MALRD1: variants seen among roughly 807,000 people sequenced by gnomAD.
The protein encoded by MALRD1 is MAM and LDL receptor class A domain containing 1.
MALRD1 carries 247 observed loss-of-function variants against 242.1 expected under a neutral mutation model. The ratio of observed to expected loss-of-function variants is 1.02; its 90% CI spans 0.92 to 1.13. The LOEUF is 1.13. MALRD1 is among the 50% of genes most tolerant of loss of function. The pLI is 0.00. For synonymous variants in MALRD1, 995 were observed against 866.6 expected (o/e 1.15, Z -2.60); for missense variants, 2,989 against 2,533.1 (o/e 1.18, Z -3.86).
chr10:19,453,409 G>T (rs1835433254), intron 29 of MALRD1, among the ~76,000 whole-genome samples: 1 of 152,146 alleles, frequency 6.6e-6, no homozygotes, highest in Non-Finnish European at 1.5e-5. Context: ...TTTCTTCATG[G>T]AGTGATAAAA....
intron 36 of MALRD1, among the ~76,000 whole-genome samples, chr10:19,625,561 G>C (rs1839616399): frequency 6.6e-6 from 1 of 151,990 alleles, no homozygotes; most frequent in African/African-American, 2.4e-5. Flanking sequence ...GGCAGACCCG[G>C]GTTTGGATAT....
At chr10:19,719,709 C>T (rs1395852461) in intron 38 of MALRD1, among the ~76,000 whole-genome samples, 2 of 152,026 alleles carry the variant, frequency 1.3e-5, no homozygotes, top group Admixed American at 6.5e-5. Flanking sequence ...CTTTTTCACC[C>T]AAACATTTGG....
chr10:19,366,293 C>G (rs1022221905), intron 26 of MALRD1, among the ~76,000 whole-genome samples: 1 of 151,788 alleles, frequency 6.6e-6, no homozygotes, highest in Non-Finnish European at 1.5e-5. Flanking sequence ...ATAAGGAGCA[C>G]ACAACCTAGA....
At chr10:19,139,257 C>T (rs1054424299) in intron 10 of MALRD1, among the ~76,000 whole-genome samples, 16 of 152,148 alleles carry the variant, frequency 1.1e-4, no homozygotes, top group African/African-American at 3.4e-4. Context: ...CATATAGACA[C>T]GTGCATATGT....
Position 19,141,816 on chromosome 10 carries a change from C to A in MALRD1, c.1412-4382C>A, listed in dbSNP as rs192862199. ...ATAGTCAAATGAAAGAAATTTAAAC[C>A]AAGGATCTTGTATGATTCATTAATT... On this transcript the variant is annotated intron_variant, in intron 10 of 39. Coordinates refer to ENST00000454679, the MANE Select transcript of MALRD1 (RefSeq NM_001142308.3). Among the ~76,000 whole-genome samples the A allele has an allele frequency of 4.1e-3, 624 of 151,956 alleles. 7 individuals carry two copies. Among genetic ancestry groups the A allele is most frequent in the African/African-American group, 0.014 (590 of 41,478 alleles).
At chr10:19,578,634 G>C (rs1211332365) in intron 33 of MALRD1, among the ~76,000 whole-genome samples, 1 of 152,050 alleles carries the variant, frequency 6.6e-6, no homozygotes, top group African/African-American at 2.4e-5. Context: ...GGAGGTTGCA[G>C]TGAGCTGAGA....
intron 36 of MALRD1, among the ~76,000 whole-genome samples, chr10:19,621,577 G>A (rs1229041163): frequency 1.3e-5 from 2 of 151,654 alleles, no homozygotes; most frequent in African/African-American, 4.8e-5. Flanking sequence ...CAAAGAGAAA[G>A]TAGTTCAAGT....
chr10:19,438,874 C>T (rs908350084), intron 28 of MALRD1, among the ~76,000 whole-genome samples: 3 of 152,236 alleles, frequency 2.0e-5, no homozygotes, highest in East Asian at 3.9e-4. Context: ...ATGTTTTCCA[C>T]AGGATCTATC....
chr10:19,718,751 A>C (rs1467530073), intron 38 of MALRD1, among the ~76,000 whole-genome samples: 11 of 152,140 alleles, frequency 7.2e-5, no homozygotes, highest in Non-Finnish European at 1.3e-4. Flanking sequence ...TTAGACATTG[A>C]GCTTGCATCT....
intron 26 of MALRD1, among the ~76,000 whole-genome samples, chr10:19,377,457 T>C (rs1287539158): frequency 1.3e-5 from 2 of 152,156 alleles, no homozygotes; most frequent in African/African-American, 4.8e-5. Context: ...TCAGGTCTGC[T>C]CCCTATTCAA....
At chr10:19,640,596 A>G (rs897739564) in intron 36 of MALRD1, among the ~76,000 whole-genome samples, 8 of 152,156 alleles carry the variant, frequency 5.3e-5, no homozygotes, top group Non-Finnish European at 8.8e-5. Context: ...ACCCTGTTCT[A>G]TATAAGATAT....
chr10:19,050,382 C>T (rs545649584), intron 1 of MALRD1, among the ~76,000 whole-genome samples: 21 of 149,920 alleles, frequency 1.4e-4, no homozygotes, highest in South Asian at 4.4e-4. Context: ...CCACCGCGCC[C>T]GGCCTTCTTT....
At chr10:19,109,497 G>A (rs1588557411) in intron 5 of MALRD1, among the ~76,000 whole-genome samples, 1 of 152,194 alleles carries the variant, frequency 6.6e-6, no homozygotes, top group East Asian at 1.9e-4. Flanking sequence ...TCATAAGCTT[G>A]GCCACCGGGG....
intron 34 of MALRD1, among the ~76,000 whole-genome samples, chr10:19,595,869 A>C (rs1206694856): frequency 6.6e-6 from 1 of 152,198 alleles, no homozygotes; most frequent in African/African-American, 2.4e-5. Flanking sequence ...AGTGACAAAT[A>C]TTGATTTTAA....
chr10:19,099,759 A>ATT lies in MALRD1; in HGVS notation c.598-4219_598-4218insTT, dbSNP rs147863650. On this transcript the variant is annotated intron_variant, in intron 4 of 39. Transcript: ENST00000454679. ...GACCCTCCATAGAACCTATATATAT[A>ATT]TATATTTTTTTTAATTTTTTTTGCC... is the stretch of plus-strand genomic sequence containing the variant. Among the ~76,000 whole-genome samples the ATT allele has an allele frequency of 9.3e-5, 9 of 96,756 alleles. 1 individual carries two copies. Among genetic ancestry groups the ATT allele is most frequent in the African/African-American group, 3.3e-4 (7 of 21,484 alleles). 63.5% of individuals were successfully genotyped at this position (96,756 alleles called of 152,430 possible).
intron 25 of MALRD1, among the ~76,000 whole-genome samples, chr10:19,350,700 G>A (rs184053844): frequency 6.6e-6 from 1 of 152,290 alleles, no homozygotes; most frequent in Admixed American, 6.5e-5. Context: ...GCATCATTCA[G>A]CAAATGACCT....
intron 21 of MALRD1, among the ~76,000 whole-genome samples, chr10:19,288,515 C>T (rs1841250751): frequency 6.6e-6 from 1 of 151,860 alleles, no homozygotes; most frequent in East Asian, 1.9e-4. Context: ...TACATTTTTC[C>T]TTGTTCATTT....
rs1488787498 is a variant in MALRD1 at position 19,312,400 on chromosome 10, A to ATGTG, written c.3420-11547_3420-11544dup. ...TGTGTATATATATATATATATATAT[A>ATGTG]TGTGTATATGTGTGTGTGTGTGTGT... On this transcript the variant is annotated intron_variant, in intron 21 of 39. Transcript: ENST00000454679. 4.8e-4 allele frequency among the ~76,000 whole-genome samples: 69 copies of ATGTG among 143,630 alleles called. 1 individual carries two copies. Among genetic ancestry groups the ATGTG allele is most frequent in the African/African-American group, 1.7e-3 (66 of 38,708 alleles). The allele number at this position is 143,630 out of a possible 152,430, so 94.2% of individuals were successfully genotyped here. A position where few individuals can be genotyped will look rare whatever the true frequency, so the allele number is the denominator to read the frequency against.
chr10:19,245,554 T>C (rs1429578806), intron 18 of MALRD1, among the ~76,000 whole-genome samples: 1 of 152,194 alleles, frequency 6.6e-6, no homozygotes, highest in Non-Finnish European at 1.5e-5. Flanking sequence ...TTTATTTGCA[T>C]GTATGTGAAA....
Sources: gnomAD v4.1 joint callset for allele counts (sites outside exome capture counted in the v4.1 genomes callset) on GRCh38, gnomAD v4.1.1 for gene constraint, MANE v1.5 for transcripts, NCBI Gene and HGNC (gene_info 2026-07-23, HGNC 2026-07-21) for gene names.